KCNQ2: variants seen among roughly 807,000 people sequenced by gnomAD.
KCNQ2 encodes the protein potassium voltage-gated channel subfamily Q member 2.
Under a neutral mutation model 84.8 loss-of-function variants are expected in KCNQ2, and 14 were observed. That is an observed-to-expected ratio of 0.17 (90% CI 0.11 to 0.26). The LOEUF is 0.26. Ranked by LOEUF, KCNQ2 falls within the 10% of genes least tolerant of loss-of-function variation. KCNQ2 has a pLI of 1.00. For missense variants in KCNQ2, 788 were observed against 1,254.0 expected (o/e 0.63, Z 5.61); for synonymous variants, 599 against 554.1 (o/e 1.08, Z -1.14).
At chr20:63,442,363 T>C (rs751465836) in intron 5 of KCNQ2, 43 bp downstream of exon 5, 3 of 1,612,254 alleles carry the variant, frequency 1.9e-6, no homozygotes, top group African/African-American at 2.7e-5. Context: ...GGGACAGGGG[T>C]GTATCAGCAG....
chr20:63,408,846 A>G lies in KCNQ2; in HGVS notation c.1764-310T>C, dbSNP rs893516036. Among the ~76,000 whole-genome samples, 1 of 151,920 alleles carries G rather than the reference A, an allele frequency of 6.6e-6. No homozygotes were observed. Among genetic ancestry groups the G allele is most frequent in the Non-Finnish European group, 1.5e-5 (1 of 67,956 alleles). On this transcript the variant is annotated intron_variant, in intron 15 of 16. Coordinates refer to ENST00000359125, the MANE Select transcript of KCNQ2 (RefSeq NM_172107.4). This position sits in a 1 kb window ranked among gnomAD's most constrained non-coding sequence, Gnocchi z 5.0. The stretch of plus-strand genomic sequence containing the variant: ...CTCCTCTCCGTGGGCTCCCGGCTCC[A>G]TACCGCCCCCTCCAGCCAGCCCCAC...
At chr20:63,415,815 C>T (rs2080280042) in intron 12 of KCNQ2, among the ~76,000 whole-genome samples, 1 of 152,090 alleles carries the variant, frequency 6.6e-6, no homozygotes, top group Non-Finnish European at 1.5e-5. Flanking sequence ...CGTGGTTTCC[C>T]CTGTGGCCTT....
At chr20:63,449,972 G>A (rs1192049362) in intron 1 of KCNQ2, among the ~76,000 whole-genome samples, 1 of 151,980 alleles carries the variant, frequency 6.6e-6, no homozygotes, top group African/African-American at 2.4e-5. Flanking sequence ...CGCACCATCA[G>A]TGCCATCACC....
chr20:63,431,981 C>T (rs1317104744), intron 8 of KCNQ2, among the ~76,000 whole-genome samples: 3 of 148,484 alleles, frequency 2.0e-5, no homozygotes, highest in Non-Finnish European at 4.5e-5. Flanking sequence ...GCCCCACCCG[C>T]AGGGAAGGCC....
Position 63,407,184 on chromosome 20 carries a change from G to A in KCNQ2, c.2079C>T (p.Ser693=). 1 of 1,605,506 alleles carries A rather than the reference G, an allele frequency of 6.2e-7. No homozygotes were observed. The highest frequency in any genetic ancestry group is 8.5e-7 in the Non-Finnish European group (1 of 1,178,870). The change falls in exon 17 of 17, where the codon AGC becomes AGT. Residue 693 remains serine (S), a synonymous_variant. Coordinates refer to ENST00000359125, the MANE Select transcript of KCNQ2 (RefSeq NM_172107.4). This position sits in a 1 kb window ranked among gnomAD's most constrained non-coding sequence, Gnocchi z 7.2. ...AGAAGTTCTTCTGGCCCGTGGAGCT[G>A]CTGGAGCGCACGATCTTGACAATGC... The part of the protein sequence containing the change: ...HGCIVKIVRS[S]SSTGQKNFSA...
chr20:63,409,047 G>A (rs950372484), intron 15 of KCNQ2, among the ~76,000 whole-genome samples: 1 of 152,254 alleles, frequency 6.6e-6, no homozygotes, highest in Non-Finnish European at 1.5e-5. Context: ...GGTCTGATGG[G>A]GACGGAGTTA....
intron 1 of KCNQ2, among the ~76,000 whole-genome samples, chr20:63,465,975 G>A (rs945155677): frequency 9.8e-5 from 15 of 152,330 alleles, no homozygotes; most frequent in South Asian, 2.1e-4. Context: ...GTTCTCTGGC[G>A]CGGTCTGCGT....
chr20:63,458,420 G>GC (rs2081862360), intron 1 of KCNQ2, among the ~76,000 whole-genome samples: 1 of 152,124 alleles, frequency 6.6e-6, no homozygotes, highest in South Asian at 2.1e-4. Context: ...CGCCGTCCCT[G>GC]CCCCAGGGCC....
Position 63,408,919 on chromosome 20 carries a change from G to A in KCNQ2, c.1764-383C>T, listed in dbSNP as rs920680293. Among the ~76,000 whole-genome samples the A allele has an allele frequency of 1.3e-5, 2 of 152,118 alleles. No individual in the cohort carries two copies. Among genetic ancestry groups the A allele is most frequent in the Non-Finnish European group, 1.5e-5 (1 of 68,024 alleles). On this transcript the variant is annotated intron_variant, in intron 15 of 16. Coordinates refer to ENST00000359125, the MANE Select transcript of KCNQ2 (RefSeq NM_172107.4). The surrounding 1 kb of genome is among the most constrained non-coding windows in gnomAD (Gnocchi z 5.0). ...AAGGCCTATTGGCCCCACAGCCCAC[G>A]GAGGGTCTCCCACTGCAGGGCCTGG...
Position 63,406,648 on chromosome 20 carries a change from T to G in KCNQ2, c.2615A>C (p.Lys872Thr). 3.1e-6 allele frequency: 5 copies of G among 1,590,820 alleles called. No homozygotes were observed. Among genetic ancestry groups the G allele is most frequent in the Non-Finnish European group, 4.3e-6 (5 of 1,173,186 alleles). Residue 872 changes from lysine (K) to threonine (T), a missense_variant, in exon 17 of 17, where the codon AAG becomes ACG. Coordinates refer to ENST00000359125, the MANE Select transcript of KCNQ2 (RefSeq NM_172107.4). ...GTCCACTGGCCCAGCGCCGCCTCACTTCCTGGGCCCGGCCCAGCCCACGTC... is the reference window on the plus strand; with the variant it reads ...GTCCACTGGCCCAGCGCCGCCTCACGTCCTGGGCCCGGCCCAGCCCACGTC... ...FGDVGWAGPRK is the reference protein window; with the variant it reads ...FGDVGWAGPRT
At position 63,402,929 on chromosome 20, in the gene KCNQ2, C is replaced by G. The variant is rs971164140; in HGVS notation, c.*3715G>C. 3 of 152,328 alleles carry G rather than the reference C, an allele frequency of 2.0e-5. No homozygotes were observed. The highest frequency in any genetic ancestry group is 2.9e-5 in the Non-Finnish European group (2 of 68,124). 9.4% of individuals were successfully genotyped at this position (152,328 alleles called of 1,614,324 possible). On this transcript the variant is annotated 3_prime_UTR_variant, in exon 17 of 17. Transcript: ENST00000359125. The stretch of plus-strand genomic sequence containing the variant: ...GCCGTGGTGGCAGCTGGAAGACTCA[C>G]GGACTGTGATTTTATGCAGAGGGAG...
In KCNQ2 at chr20:63,407,026, G is replaced by A; in HGVS notation, c.2237C>T (p.Pro746Leu). Residue 746 changes from proline to leucine, a missense_variant, in exon 17 of 17, where the codon CCT becomes CTT. Pro to Leu is a moderately conservative substitution (Grantham distance 98). Transcript: ENST00000359125. This position sits in a 1 kb window ranked among gnomAD's most constrained non-coding sequence, Gnocchi z 7.2. ...HGSLVRIPPP[P>L]AHERSLSAYG... Reference sequence around the variant, plus strand: ...GGCGGACAGCGACCGCTCGTGGGCAGGCGGCGGCGGGATGCGCACCAGGGA... The same window carrying A: ...GGCGGACAGCGACCGCTCGTGGGCAAGCGGCGGCGGGATGCGCACCAGGGA... 6.6e-7 allele frequency: 1 copy of A among 1,518,308 alleles called. No individual in the cohort carries two copies. Among genetic ancestry groups the A allele is most frequent in the Non-Finnish European group, 8.8e-7 (1 of 1,135,298 alleles). 94.1% of individuals were successfully genotyped at this position (1,518,308 alleles called of 1,614,324 possible).
chr20:63,413,050 C>CACACATGTGTACACACATGT (rs1454475926), intron 15 of KCNQ2, among the ~76,000 whole-genome samples: 4 of 152,168 alleles, frequency 2.6e-5, no homozygotes. Flanking sequence ...AACACACATG[C>CACACATGTGTACACACATGT]ACACATGTGT....
intron 9 of KCNQ2, among the ~76,000 whole-genome samples, chr20:63,430,783 C>A (rs2080765847): frequency 1.3e-5 from 2 of 152,258 alleles, no homozygotes; most frequent in Non-Finnish European, 2.9e-5. Context: ...GAGTCCAGGG[C>A]AGGAGACCCT....
At chr20:63,455,656 C>T (rs969041592) in intron 1 of KCNQ2, among the ~76,000 whole-genome samples, 5 of 152,080 alleles carry the variant, frequency 3.3e-5, no homozygotes, top group African/African-American at 9.7e-5. Flanking sequence ...CAGTTAAGGC[C>T]GGACCACAGT....
rs1038459338 is a variant in KCNQ2, at chr20:63,424,001, T to G, written c.1247+176A>C. 3.7e-5 allele frequency: 24 copies of G among 641,774 alleles called. No homozygotes were observed. In the African/African-American group the frequency reaches 4.2e-4, roughly 11 times the overall value. 39.8% of individuals were successfully genotyped at this position (641,774 alleles called of 1,614,324 possible). A position where few individuals can be genotyped will look rare whatever the true frequency, so the allele number is the denominator to read the frequency against. On this transcript the variant is annotated intron_variant, in intron 11 of 16. Coordinates refer to ENST00000359125, the MANE Select transcript of KCNQ2 (RefSeq NM_172107.4). ...CTGGGGAGGGGGTGAGCAGGAAGAG[T>G]GATTTAAGGGCCCACATCACCGCCA...
chr20:63,406,274 G>C lies in KCNQ2; in HGVS notation c.*370C>G. 1 of 252,378 alleles carries C rather than the reference G, an allele frequency of 4.0e-6. No individual in the cohort carries two copies. The highest frequency in any genetic ancestry group is 2.2e-5 in the African/African-American group (1 of 44,790). The allele number at this position is 252,378 out of a possible 1,614,324, so 15.6% of individuals were successfully genotyped here. A position where few individuals can be genotyped will look rare whatever the true frequency, so the allele number is the denominator to read the frequency against. On this transcript the variant is annotated 3_prime_UTR_variant, in exon 17 of 17. Transcript: ENST00000359125. ...AGGCCTGCCCTTTGTGCCTCCCCTG[G>C]GCTCGGCTGAGACAACCCCCCGCCT...
Position 63,407,487 on chromosome 20 carries a change from G to A in KCNQ2, c.1888-112C>T, listed in dbSNP as rs1274958648. On this transcript the variant is annotated intron_variant, in intron 16 of 16. Coordinates refer to ENST00000359125, the MANE Select transcript of KCNQ2 (RefSeq NM_172107.4). The surrounding 1 kb of genome is among the most constrained non-coding windows in gnomAD (Gnocchi z 7.2). Reference sequence around the variant, plus strand: ...CAGGCTGGTTCCAGGAAACAGGAGAGACCCAGGCTAGTCCCAGGAAACGGG... The same window carrying A: ...CAGGCTGGTTCCAGGAAACAGGAGAAACCCAGGCTAGTCCCAGGAAACGGG... 5 of 1,161,912 alleles carry A rather than the reference G, an allele frequency of 4.3e-6. No individual in the cohort carries two copies. The African/African-American group carries it at 6.2e-5, about 14-fold the overall frequency. 72.0% of individuals were successfully genotyped at this position (1,161,912 alleles called of 1,614,324 possible). A position where few individuals can be genotyped will look rare whatever the true frequency, so the allele number is the denominator to read the frequency against.
At chr20:63,442,876 TATC>T (rs2081242689) in intron 4 of KCNQ2, among the ~76,000 whole-genome samples, 5 of 3,620 alleles carry the variant, frequency 1.4e-3, no homozygotes, top group African/African-American at 2.6e-3. Context: ...CCATCACCAT[TATC>T]ACCACCACCA....
Sources: gnomAD v4.1 joint callset for allele counts (sites outside exome capture counted in the v4.1 genomes callset) on GRCh38, gnomAD v4.1.1 for gene constraint, Gnocchi (gnomAD v3.1) non-coding constraint, MANE v1.5 for transcripts, NCBI Gene and HGNC (gene_info 2026-07-23, HGNC 2026-07-21) for gene names.